SLC17A6: variants seen among roughly 807,000 people sequenced by gnomAD.
SLC17A6 encodes the protein vesicular glutamate transporter 2.
SLC17A6 carries 35 observed loss-of-function variants against 67.1 expected under a neutral mutation model. The observed-to-expected ratio is 0.52, with a 90% CI of 0.40 to 0.69. The LOEUF (loss-of-function observed/expected upper bound fraction) is 0.69. Among genes scored for constraint, SLC17A6 ranks in the 30% least tolerant of loss-of-function variants. The pLI is 0.00. For synonymous variants in SLC17A6, 285 were observed against 252.3 expected (o/e 1.13, Z -1.23); for missense variants, 588 against 723.9 (o/e 0.81, Z 2.15).
intron 7 of SLC17A6, among the ~76,000 whole-genome samples, chr11:22,366,243 T>C (rs939745740): frequency 1.3e-5 from 2 of 152,150 alleles, no homozygotes; most frequent in African/African-American, 4.8e-5. Context: ...AACAATATAC[T>C]GTAAGGAAAC....
chr11:22,346,015 C>T (rs1691654293), intron 3 of SLC17A6, among the ~76,000 whole-genome samples: 1 of 152,108 alleles, frequency 6.6e-6, no homozygotes, highest in South Asian at 2.1e-4. Flanking sequence ...TTTTCAAAAA[C>T]AGTAAAGACA....
Position 22,362,766 on chromosome 11 carries a change from T to C in SLC17A6, c.689T>C (p.Met230Thr), listed in dbSNP as rs1278909747. The C allele has an allele frequency of 5.0e-6, 8 of 1,613,908 alleles. No homozygotes were observed. Among genetic ancestry groups the C allele is most frequent in the Non-Finnish European group, 6.8e-6 (8 of 1,179,762 alleles). ...TCCTATGCCGGAGCTGTGATTGCAATGCCTTTAGCTGGCATTCTTGTGCAG... is the reference window on the plus strand; with the variant it reads ...TCCTATGCCGGAGCTGTGATTGCAACGCCTTTAGCTGGCATTCTTGTGCAG... ...CGSYAGAVIA[M>T]PLAGILVQYT... Residue 230 changes from methionine (M) to threonine (T), a missense_variant, in exon 6 of 12, where the codon ATG becomes ACG. By Grantham distance (81) the Met-to-Thr change is moderately conservative. This residue lies in a region of SLC17A6 where 414 missense variants were observed against 563.4 expected (regional missense o/e 0.73). Coordinates refer to ENST00000263160, the MANE Select transcript of SLC17A6 (RefSeq NM_020346.3).
At position 22,365,554 on chromosome 11, in the gene SLC17A6, T is replaced by C. The variant is rs1042580109; in HGVS notation, c.756T>C (p.Phe252=). Residue 252 remains phenylalanine, a synonymous_variant, in exon 7 of 12, where the codon TTT becomes TTC. Transcript: ENST00000263160. ...CTGAACTGTTGCTTGCAGGAAGCTT[T>C]GGAATGGTCTGGTACATGTTTTGGC... ...WSSVFYVYGS[F]GMVWYMFWLL... The C allele has an allele frequency of 3.7e-6, 6 of 1,613,844 alleles. No homozygotes were observed. The African/African-American group carries it at 8.0e-5, about 22-fold the overall frequency.
At chr11:22,349,959 A>T (rs1167946916) in intron 3 of SLC17A6, among the ~76,000 whole-genome samples, 1 of 152,152 alleles carries the variant, frequency 6.6e-6, no homozygotes, top group African/African-American at 2.4e-5. Context: ...GTGACAATCC[A>T]CTGCCCAAAT....
At chr11:22,344,317 G>T (rs1855852002) in intron 3 of SLC17A6, among the ~76,000 whole-genome samples, 1 of 152,140 alleles carries the variant, frequency 6.6e-6, no homozygotes, top group African/African-American at 2.4e-5. Context: ...AGGACTAGAA[G>T]TTGGCATCTC....
At chr11:22,354,328 C>A (rs754369804) in intron 3 of SLC17A6, among the ~76,000 whole-genome samples, 1 of 152,184 alleles carries the variant, frequency 6.6e-6, no homozygotes, top group Non-Finnish European at 1.5e-5. Flanking sequence ...AGGCGATCCA[C>A]CCACCTCGGC....
chr11:22,347,881 C>T (rs1486151834), intron 3 of SLC17A6, among the ~76,000 whole-genome samples: 1 of 152,100 alleles, frequency 6.6e-6, no homozygotes, highest in Non-Finnish European at 1.5e-5. Context: ...TTTATTTTCC[C>T]CTACCGTAAT....
intron 7 of SLC17A6, 99 bp downstream of exon 7, chr11:22,365,788 T>C (rs1424341159): frequency 3.1e-6 from 4 of 1,285,656 alleles, no homozygotes; most frequent in African/African-American, 1.5e-5. Context: ...CAAAACTAAT[T>C]TGGTATCAAT....
chr11:22,343,753 C>T (rs756717829), intron 3 of SLC17A6, among the ~76,000 whole-genome samples: 1 of 152,144 alleles, frequency 6.6e-6, no homozygotes, highest in South Asian at 2.1e-4. Flanking sequence ...CTGCACTCCC[C>T]GCAGGCTCCC....
chr11:22,341,412 G>A (rs1201401378), intron 1 of SLC17A6, 116 bp from the exon 2 acceptor site: 3 of 1,436,908 alleles, frequency 2.1e-6, no homozygotes, highest in African/African-American at 1.4e-5. Flanking sequence ...CCCGAGGGTG[G>A]GGGGAGGTCG....
At chr11:22,365,741 A>G (rs1254501565) in intron 7 of SLC17A6, 52 bp downstream of exon 7, 3 of 1,540,626 alleles carry the variant, frequency 1.9e-6, no homozygotes, top group South Asian at 2.5e-5. Context: ...TCTCGCCCCC[A>G]TTGACCAACC....
chr11:22,357,183 G>T (rs1856001012), intron 3 of SLC17A6, among the ~76,000 whole-genome samples: 1 of 152,118 alleles, frequency 6.6e-6, no homozygotes, highest in Admixed American at 6.5e-5. Context: ...CTTAGGTTTA[G>T]TTTCTCCATC....
chr11:22,353,901 C>A (rs1855970037), intron 3 of SLC17A6, among the ~76,000 whole-genome samples: 1 of 151,968 alleles, frequency 6.6e-6, no homozygotes, highest in Non-Finnish European at 1.5e-5. Flanking sequence ...CAATGATTCC[C>A]AAAGCAGAAC....
At chr11:22,371,334 C>T (rs1171316317) in intron 8 of SLC17A6, among the ~76,000 whole-genome samples, 1 of 151,948 alleles carries the variant, frequency 6.6e-6, no homozygotes, top group Non-Finnish European at 1.5e-5. Flanking sequence ...CTATCTGAGA[C>T]CTGGGACTGA....
At chr11:22,367,677 C>CATA (rs1856127967) in intron 7 of SLC17A6, among the ~76,000 whole-genome samples, 1 of 152,102 alleles carries the variant, frequency 6.6e-6, no homozygotes, top group Admixed American at 6.6e-5. Context: ...CTTGAGAGGT[C>CATA]ATATGTCTAG....
chr11:22,340,578 C>G (rs909040356), intron 1 of SLC17A6, among the ~76,000 whole-genome samples: 3 of 152,064 alleles, frequency 2.0e-5, no homozygotes, highest in Non-Finnish European at 4.4e-5. Flanking sequence ...TTTGGGGGAG[C>G]CTTTGTATAT....
At chr11:22,359,045 A>T (rs1856020164) in intron 3 of SLC17A6, among the ~76,000 whole-genome samples, 1 of 152,206 alleles carries the variant, frequency 6.6e-6, no homozygotes. Context: ...GATACAATGG[A>T]TGTGAAAAAC....
At chr11:22,351,851 T>C (rs1855943039) in intron 3 of SLC17A6, among the ~76,000 whole-genome samples, 1 of 152,170 alleles carries the variant, frequency 6.6e-6, no homozygotes, top group Non-Finnish European at 1.5e-5. Context: ...AACCCAATTA[T>C]AAGTGTCAAA....
chr11:22,343,442 GACA>G, intron 3 of SLC17A6, 77 bp downstream of exon 3: 1 of 1,282,698 alleles, frequency 7.8e-7, no homozygotes, highest in African/African-American at 1.5e-5. Flanking sequence ...CTGGAGCAGA[GACA>G]ACAGCCCAGA....
Sources: allele counts gnomAD v4.1 joint callset (sites outside exome capture counted in the v4.1 genomes callset), GRCh38; gene constraint gnomAD v4.1.1; regional missense constraint gnomAD v4.1.1; transcripts MANE v1.5; gene names NCBI Gene and HGNC (gene_info 2026-07-23, HGNC 2026-07-21).